The following HOMER2 variants were observed in gnomAD, a reference collection of about 807,000 sequenced individuals.
HOMER2 encodes the protein homer protein homolog 2.
Under a neutral mutation model 47.0 loss-of-function variants are expected in HOMER2, and 27 were observed. That is an observed-to-expected ratio of 0.57 (90% CI 0.42 to 0.79). The LOEUF is 0.79. HOMER2 is among the 30% of genes least tolerant of loss of function. The pLI is 0.00. For synonymous variants in HOMER2, 161 were observed against 163.8 expected (o/e 0.98, Z 0.13); for missense variants, 443 against 435.0 (o/e 1.02, Z -0.16).
chr15:82,941,192 C>G (rs2054258388), intron 1 of HOMER2, among the ~76,000 whole-genome samples: 1 of 151,900 alleles, frequency 6.6e-6, no homozygotes, highest in African/African-American at 2.4e-5. Flanking sequence ...ACCTGTAATC[C>G]CAGCACTTTG....
upstream of HOMER2, among the ~76,000 whole-genome samples, chr15:82,953,885 A>C (rs1337163378): frequency 6.6e-6 from 1 of 152,124 alleles, no homozygotes; most frequent in Non-Finnish European, 1.5e-5. Flanking sequence ...TCCGTCTCAA[A>C]AAATAAATAA....
At chr15:82,912,141 A>G (rs550718703) in intron 1 of HOMER2, among the ~76,000 whole-genome samples, 6 of 152,368 alleles carry the variant, frequency 3.9e-5, no homozygotes, top group Admixed American at 6.5e-5. Flanking sequence ...AAAGTCCCCA[A>G]TTCAGTGGCT....
At chr15:82,866,088 A>G (rs901660733) in intron 3 of HOMER2, among the ~76,000 whole-genome samples, 6 of 152,200 alleles carry the variant, frequency 3.9e-5, no homozygotes, top group African/African-American at 1.4e-4. Context: ...GTGCCTGGGT[A>G]AAGCCACAGA....
chr15:82,866,357 AC>A (rs1161806270), intron 3 of HOMER2, among the ~76,000 whole-genome samples: 3 of 152,104 alleles, frequency 2.0e-5, no homozygotes, highest in African/African-American at 7.2e-5. Flanking sequence ...CAATGCCTCT[AC>A]CCCCATTGTA....
At chr15:82,877,302 T>C (rs965577656) in intron 2 of HOMER2, among the ~76,000 whole-genome samples, 1 of 152,106 alleles carries the variant, frequency 6.6e-6, no homozygotes, top group African/African-American at 2.4e-5. Flanking sequence ...CCTGAGTAGC[T>C]GGAATTACAG....
At chr15:82,935,826 A>C (rs944715486) in intron 1 of HOMER2, among the ~76,000 whole-genome samples, 4 of 152,170 alleles carry the variant, frequency 2.6e-5, no homozygotes, top group African/African-American at 9.6e-5. Context: ...CTCAGCCAGC[A>C]ACCACTTTGA....
At chr15:82,950,687 C>T (rs527992161) in intron 1 of HOMER2, among the ~76,000 whole-genome samples, 6 of 152,204 alleles carry the variant, frequency 3.9e-5, no homozygotes, top group South Asian at 4.2e-4. Context: ...CCTTTATCTA[C>T]GAGAAGTGAG....
intron 4 of HOMER2, among the ~76,000 whole-genome samples, chr15:82,861,001 A>G (rs2051769971): frequency 1.3e-5 from 1 of 74,856 alleles, no homozygotes; most frequent in Non-Finnish European, 3.0e-5. Flanking sequence ...GAGAAAGGAA[A>G]GAAAGAAAAG....
At chr15:82,943,579 A>G (rs1466276219) in intron 1 of HOMER2, among the ~76,000 whole-genome samples, 1 of 152,210 alleles carries the variant, frequency 6.6e-6, no homozygotes, top group Non-Finnish European at 1.5e-5. Context: ...TTTTCCATTT[A>G]TCTAAAAACT....
chr15:82,932,840 T>C (rs1469666042), intron 1 of HOMER2, among the ~76,000 whole-genome samples: 1 of 152,152 alleles, frequency 6.6e-6, no homozygotes, highest in Non-Finnish European at 1.5e-5. Context: ...TCCTGCCTCC[T>C]GCCCTGTGCA....
intron 1 of HOMER2, among the ~76,000 whole-genome samples, chr15:82,966,084 G>A (rs2054672535): frequency 6.6e-6 from 1 of 152,182 alleles, no homozygotes; most frequent in Non-Finnish European, 1.5e-5. Flanking sequence ...CTGGGTGACA[G>A]AGTGAGACCC....
chr15:82,868,546 T>A lies in HOMER2; in HGVS notation c.295-4287A>T, dbSNP rs868132197. Among the ~76,000 whole-genome samples the A allele has an allele frequency of 8.7e-3, 933 of 106,632 alleles. 14 individuals carry two copies. Among genetic ancestry groups the A allele is most frequent in the African/African-American group, 0.02 (531 of 27,036 alleles). The allele number at this position is 106,632 out of a possible 152,430, so 70.0% of individuals were successfully genotyped here. On this transcript the variant is annotated intron_variant, in intron 3 of 8. Transcript: ENST00000450735. ...TTTTATATATATATATATATATTTT[T>A]TTTTTTTTTTTTCCCCTTTTGAGAC...
intron 1 of HOMER2, among the ~76,000 whole-genome samples, chr15:82,920,585 A>G (rs1344628568): frequency 6.6e-6 from 1 of 152,164 alleles, no homozygotes; most frequent in Non-Finnish European, 1.5e-5. Context: ...GCAGCAAAGC[A>G]TCTTCAAAGC....
At chr15:82,869,678 G>A (rs931421029) in intron 3 of HOMER2, among the ~76,000 whole-genome samples, 1 of 151,762 alleles carries the variant, frequency 6.6e-6, no homozygotes, top group Non-Finnish European at 1.5e-5. Flanking sequence ...GGCTGGTCTC[G>A]AACTCTTGAC....
At chr15:82,945,000 A>C (rs2054344660) in intron 1 of HOMER2, among the ~76,000 whole-genome samples, 1 of 152,058 alleles carries the variant, frequency 6.6e-6, no homozygotes, top group Non-Finnish European at 1.5e-5. Flanking sequence ...AAGGAGAAAC[A>C]ATTTGAGCAG....
chr15:82,899,809 G>A (rs2053051887), intron 1 of HOMER2, among the ~76,000 whole-genome samples: 1 of 152,146 alleles, frequency 6.6e-6, no homozygotes, highest in Non-Finnish European at 1.5e-5. Flanking sequence ...GATCACTTGA[G>A]GTCAGGAGTT....
chr15:82,878,317 C>T (rs755812446), intron 2 of HOMER2, among the ~76,000 whole-genome samples: 5 of 152,164 alleles, frequency 3.3e-5, no homozygotes, highest in Non-Finnish European at 5.9e-5. Flanking sequence ...GTTTCTAGGG[C>T]ACTTTTTCAC....
At chr15:82,976,428 G>C (rs2151260891) in intron 1 of HOMER2, among the ~76,000 whole-genome samples, 1 of 152,108 alleles carries the variant, frequency 6.6e-6, no homozygotes, top group East Asian at 1.9e-4. Context: ...CTCCCAAGTA[G>C]TTGGGATTAC....
chr15:82,881,677 C>T (rs999861318), intron 2 of HOMER2, among the ~76,000 whole-genome samples: 14 of 152,254 alleles, frequency 9.2e-5, no homozygotes, highest in African/African-American at 3.4e-4. Context: ...GAATGTGTTC[C>T]TGAAAGTAAT....
Sources: gnomAD v4.1 joint callset for allele counts (sites outside exome capture counted in the v4.1 genomes callset) on GRCh38, gnomAD v4.1.1 for gene constraint, MANE v1.5 for transcripts, NCBI Gene and HGNC (gene_info 2026-07-23, HGNC 2026-07-21) for gene names.